The following ANXA10 variants were observed in gnomAD, a reference collection of about 807,000 sequenced individuals.
ANXA10 encodes the protein annexin A10, also known as annexin 14.
In ANXA10, 49 loss-of-function variants were observed where a neutral mutation model predicts 53.5. That is an observed-to-expected ratio of 0.92 (90% CI 0.73 to 1.16). The LOEUF is 1.16. Ranked by LOEUF, ANXA10 falls within the 50% of genes most tolerant of loss-of-function variation. The probability of loss-of-function intolerance (pLI) is 0.00; values close to 1 mark genes in which losing one functional copy is unlikely to be tolerated. For missense variants in ANXA10, 393 were observed against 394.4 expected, an observed-to-expected ratio of 1.00 and a Z score of 0.03; for synonymous variants, 131 against 128.9, an observed-to-expected ratio of 1.02 and a Z score of -0.11.
intron 3 of ANXA10, among the ~76,000 whole-genome samples, chr4:168,150,762 C>T (rs544200841): frequency 6.6e-6 from 1 of 152,264 alleles, no homozygotes; most frequent in East Asian, 1.9e-4. Flanking sequence ...TGAAAGGTGA[C>T]AGAAAACCCT....
chr4:168,182,671 C>T (rs1732277879), intron 10 of ANXA10, among the ~76,000 whole-genome samples: 1 of 149,218 alleles, frequency 6.7e-6, no homozygotes, highest in East Asian at 2.0e-4. Flanking sequence ...CACTTAAGTG[C>T]ATCATCACAT....
chr4:168,164,330 G>T (rs1367906642), intron 5 of ANXA10, 42 bp downstream of exon 5: 4 of 1,388,714 alleles, frequency 2.9e-6, no homozygotes, highest in Non-Finnish European at 4.1e-6. Context: ...ACACATATAA[G>T]AACTTTATAA....
intron 3 of ANXA10, among the ~76,000 whole-genome samples, chr4:168,161,378 G>T (rs1456853445): frequency 6.6e-6 from 1 of 152,004 alleles, no homozygotes; most frequent in Non-Finnish European, 1.5e-5. Context: ...GTAGCTATGT[G>T]GTCTTATTTC....
At chr4:168,095,683 C>T (rs1730530137) in intron 1 of ANXA10, among the ~76,000 whole-genome samples, 1 of 151,952 alleles carries the variant, frequency 6.6e-6, no homozygotes, top group South Asian at 2.1e-4. Flanking sequence ...TTTGTGTTTG[C>T]AAACTTCTAG....
intron 2 of ANXA10, among the ~76,000 whole-genome samples, chr4:168,132,354 A>C (rs1426839322): frequency 1.3e-5 from 2 of 152,106 alleles, no homozygotes; most frequent in African/African-American, 4.8e-5. Flanking sequence ...TCATATGTTA[A>C]GTGAAATAAG....
intron 3 of ANXA10, among the ~76,000 whole-genome samples, chr4:168,156,239 TAATAGTA>T (rs1731670371): frequency 3.0e-5 from 2 of 66,042 alleles, no homozygotes; most frequent in African/African-American, 1.2e-4. Flanking sequence ...ATATTATATA[TAATAGTA>T]TATATTATAT....
chr4:168,164,451 G>C (rs1443243822), intron 5 of ANXA10, among the ~76,000 whole-genome samples, 163 bp downstream of exon 5: 1 of 152,042 alleles, frequency 6.6e-6, no homozygotes, highest in Non-Finnish European at 1.5e-5. Context: ...CCGATTATTA[G>C]TGCACTAAAA....
chr4:168,116,586 A>G (rs1347690390), intron 1 of ANXA10, among the ~76,000 whole-genome samples: 1 of 152,128 alleles, frequency 6.6e-6, no homozygotes, highest in Non-Finnish European at 1.5e-5. Flanking sequence ...AAATAACTAG[A>G]AGTTTCAGTA....
At chr4:168,145,265 A>G (rs1204596736) in intron 3 of ANXA10, among the ~76,000 whole-genome samples, 1 of 152,314 alleles carries the variant, frequency 6.6e-6, no homozygotes, top group Non-Finnish European at 1.5e-5. Context: ...GATCAAGTGT[A>G]TAACACTGAT....
intron 1 of ANXA10, among the ~76,000 whole-genome samples, chr4:168,126,995 CATTA>C (rs1476005877): frequency 1.3e-5 from 2 of 152,074 alleles, no homozygotes; most frequent in East Asian, 1.9e-4. Flanking sequence ...GTCCTGTTCT[CATTA>C]ATTAATTAAC....
intron 3 of ANXA10, among the ~76,000 whole-genome samples, chr4:168,154,240 T>C (rs765116000): frequency 7.2e-5 from 11 of 152,182 alleles, no homozygotes; most frequent in Non-Finnish European, 5.9e-5. Flanking sequence ...ATTGCCTTTT[T>C]TATCCTTTAC....
intron 1 of ANXA10, among the ~76,000 whole-genome samples, chr4:168,118,161 C>A (rs1730928713): frequency 6.6e-6 from 1 of 151,682 alleles, no homozygotes; most frequent in Non-Finnish European, 1.5e-5. Context: ...AGAGGACCTT[C>A]TGTGTATAAG....
Position 168,126,081 on chromosome 4 carries a change from A to AT in ANXA10, c.19-1996dup, listed in dbSNP as rs5863920. 8.2e-4 allele frequency among the ~76,000 whole-genome samples: 124 copies of AT among 151,356 alleles called. 1 individual carries two copies. In the East Asian group the frequency reaches 0.022, roughly 27 times the overall value. On this transcript the variant is annotated intron_variant, in intron 1 of 11. Transcript: ENST00000359299. The stretch of plus-strand genomic sequence containing the variant: ...CTCACTGTCACATTGAAAAATGTAC[A>AT]TTTTTTTCAAAATTTCCAATTTACT...
intron 2 of ANXA10, among the ~76,000 whole-genome samples, chr4:168,133,249 G>T (rs750531393): frequency 1.3e-5 from 2 of 151,954 alleles, no homozygotes. Flanking sequence ...CTAAATTCAA[G>T]AATTAGTTAT....
intron 8 of ANXA10, among the ~76,000 whole-genome samples, chr4:168,178,618 A>G (rs1411155404): frequency 6.6e-6 from 1 of 152,192 alleles, no homozygotes; most frequent in African/African-American, 2.4e-5. Context: ...TAATGAAAAG[A>G]CATCTTCTTG....
At chr4:168,160,544 T>C (rs1448689879) in intron 3 of ANXA10, among the ~76,000 whole-genome samples, 2 of 152,088 alleles carry the variant, frequency 1.3e-5, no homozygotes, top group African/African-American at 4.8e-5. Context: ...TTTATAATAT[T>C]AATATAATGG....
intron 1 of ANXA10, among the ~76,000 whole-genome samples, chr4:168,096,911 C>CATATATATATATATATATATGTATAT (rs35451323): frequency 9.1e-6 from 1 of 109,670 alleles, no homozygotes; most frequent in South Asian, 2.5e-4. Flanking sequence ...AATACAAATG[C>CATATATATATATATATATATGTATAT]ATATATATAT....
chr4:168,165,195 C>A, intron 5 of ANXA10, 52 bp from the exon 6 acceptor site: 1 of 1,226,630 alleles, frequency 8.2e-7, no homozygotes, highest in Non-Finnish European at 1.2e-6. Context: ...TCAAAACACA[C>A]TGATACATAG....
chr4:168,142,498 C>T lies in ANXA10; in HGVS notation c.195+2918C>T, dbSNP rs566749236. Among the ~76,000 whole-genome samples, 12 of 152,284 alleles carry T rather than the reference C, an allele frequency of 7.9e-5. No individual in the cohort carries two copies. The South Asian group carries it at 2.5e-3, about 32-fold the overall frequency. ...CTTCCAGGTACTAGACACAAGACCTCACAGCCCCCCACCAGATCGAGTGGA... is the reference window on the plus strand; with the variant it reads ...CTTCCAGGTACTAGACACAAGACCTTACAGCCCCCCACCAGATCGAGTGGA... On this transcript the variant is annotated intron_variant, in intron 3 of 11. Coordinates refer to ENST00000359299, the MANE Select transcript of ANXA10 (RefSeq NM_007193.5).
Sources: gnomAD v4.1 joint callset for allele counts (sites outside exome capture counted in the v4.1 genomes callset) on GRCh38, gnomAD v4.1.1 for gene constraint, MANE v1.5 for transcripts, NCBI Gene and HGNC (gene_info 2026-07-23, HGNC 2026-07-21) for gene names.